Variants in FYB1 observed in about 807,000 individuals in gnomAD.
The protein encoded by FYB1 is FYN binding protein 1.
Under a neutral mutation model 94.1 loss-of-function variants are expected in FYB1, and 41 were observed. The observed-to-expected ratio is 0.44, with a 90% CI of 0.34 to 0.57. The LOEUF (loss-of-function observed/expected upper bound fraction) is 0.57. Ranked by LOEUF, FYB1 falls within the 20% of genes least tolerant of loss-of-function variation. The pLI, the probability that FYB1 is intolerant of heterozygous loss-of-function variation, is 0.02. For missense variants in FYB1, 1,050 were observed against 976.8 expected (o/e 1.07, Z -1.00); for synonymous variants, 367 against 353.2 (o/e 1.04, Z -0.44).
At chr5:39,265,720 C>A (rs533094317) in intron 1 of FYB1, among the ~76,000 whole-genome samples, 1 of 152,134 alleles carries the variant, frequency 6.6e-6, no homozygotes, top group Non-Finnish European at 1.5e-5. Context: ...TTGACCCTCC[C>A]AGTGATTCTC....
At chr5:39,206,671 A>G (rs563651243) in intron 1 of FYB1, among the ~76,000 whole-genome samples, 1 of 152,270 alleles carries the variant, frequency 6.6e-6, no homozygotes, top group East Asian at 1.9e-4. Context: ...ATGATTAGCA[A>G]TGTTCCGTTT....
At chr5:39,261,337 G>GACACACACACACACACAC (rs57277521) in intron 1 of FYB1, among the ~76,000 whole-genome samples, 10 of 133,806 alleles carry the variant, frequency 7.5e-5, no homozygotes, top group East Asian at 6.5e-4. Flanking sequence ...TGTAGATTAA[G>GACACACACACACACACAC]ACACACACAC....
At chr5:39,160,393 T>A (rs574396393) in intron 2 of FYB1, among the ~76,000 whole-genome samples, 1 of 152,328 alleles carries the variant, frequency 6.6e-6, no homozygotes, top group Non-Finnish European at 1.5e-5. Context: ...ATTAGTCATG[T>A]CTAATCCTAG....
chr5:39,138,784 T>C (rs1226114139), intron 5 of FYB1, 93 bp from the exon 6 acceptor site: 1 of 774,950 alleles, frequency 1.3e-6, no homozygotes, highest in Non-Finnish European at 2.2e-6. Flanking sequence ...AAGGCAACAA[T>C]GTAAATTTTT....
intron 2 of FYB1, chr5:39,170,372 T>C: frequency 1.2e-6 from 1 of 856,056 alleles, no homozygotes; most frequent in Non-Finnish European, 1.7e-6. Flanking sequence ...ACCTGAGGAC[T>C]CTGGGCCAGC....
intron 1 of FYB1, among the ~76,000 whole-genome samples, chr5:39,207,121 C>G (rs1426136407): frequency 6.6e-6 from 1 of 152,128 alleles, no homozygotes; most frequent in East Asian, 1.9e-4. Context: ...ATTTCACAAT[C>G]TGGAAGACAT....
rs561673128 is a variant in FYB1, at chr5:39,212,198, C to T, written c.-28+7245G>A. On this transcript the variant is annotated intron_variant, in intron 1 of 18. Transcript: ENST00000512982. Reference sequence around the variant, plus strand: ...TGGTGAGTGCCTGTAGTCCTAGCTACTCTGGAGGCTGGGGTGGGATGATTG... The same window carrying T: ...TGGTGAGTGCCTGTAGTCCTAGCTATTCTGGAGGCTGGGGTGGGATGATTG... 4.6e-5 allele frequency among the ~76,000 whole-genome samples: 7 copies of T among 152,182 alleles called. No individual in the cohort carries two copies. In the South Asian group the frequency reaches 1.0e-3, roughly 23 times the overall value.
intron 1 of FYB1, among the ~76,000 whole-genome samples, chr5:39,256,635 T>G (rs1022966920): frequency 6.6e-6 from 1 of 152,180 alleles, no homozygotes; most frequent in Admixed American, 6.5e-5. Flanking sequence ...CCTCACAGTC[T>G]TTTTTGTTGG....
At chr5:39,111,683 C>T (rs769271899) in intron 16 of FYB1, among the ~76,000 whole-genome samples, 25 of 151,650 alleles carry the variant, frequency 1.6e-4, no homozygotes, top group Admixed American at 3.3e-4. Flanking sequence ...CTTGAATTCT[C>T]GTAGTAGGAA....
At chr5:39,270,810 A>G (rs1200377548) in intron 1 of FYB1, 1 of 440,002 alleles carries the variant, frequency 2.3e-6, no homozygotes, top group Non-Finnish European at 4.0e-6. Flanking sequence ...AGGAACAGGT[A>G]TAGATGTAGC....
intron 1 of FYB1, among the ~76,000 whole-genome samples, chr5:39,209,696 A>G (rs900823646): frequency 3.3e-5 from 5 of 152,188 alleles, no homozygotes; most frequent in Non-Finnish European, 7.4e-5. Context: ...ATGTAAAAGC[A>G]GGAACCTGGT....
At chr5:39,194,587 G>A (rs1156503402) in intron 2 of FYB1, among the ~76,000 whole-genome samples, 2 of 151,628 alleles carry the variant, frequency 1.3e-5, no homozygotes, top group African/African-American at 2.4e-5. Context: ...AGGAAGGGAG[G>A]ATATCTTGCA....
At chr5:39,134,077 T>C (rs955731515) in intron 9 of FYB1, 131 bp downstream of exon 9, 1 of 600,452 alleles carries the variant, frequency 1.7e-6, no homozygotes, top group African/African-American at 1.8e-5. Context: ...TTGGGGTTAT[T>C]GTAAGTGGTC....
intron 1 of FYB1, among the ~76,000 whole-genome samples, chr5:39,247,117 A>G (rs1210953752): frequency 2.0e-5 from 1 of 50,046 alleles, no homozygotes; most frequent in African/African-American, 6.9e-5. Flanking sequence ...TATATATATG[A>G]CTATATACCA....
chr5:39,170,739 T>C (rs1392982406), intron 2 of FYB1, among the ~76,000 whole-genome samples: 2 of 152,184 alleles, frequency 1.3e-5, no homozygotes, highest in Non-Finnish European at 2.9e-5. Context: ...AATTTCAATG[T>C]CTTCCTATCA....
At chr5:39,148,455 T>G (rs1742968756) in intron 3 of FYB1, among the ~76,000 whole-genome samples, 1 of 135,280 alleles carries the variant, frequency 7.4e-6, no homozygotes, top group Non-Finnish European at 1.6e-5. Flanking sequence ...CACATTAAAC[T>G]TTGTTCTATA....
At chr5:39,161,900 T>G (rs62358710) in intron 2 of FYB1, among the ~76,000 whole-genome samples, 23,729 of 152,278 alleles carry the variant, frequency 0.16, 2,302 homozygotes, top group Non-Finnish European at 0.22. Flanking sequence ...ATTTTTGGTT[T>G]CTTACAGATT....
At chr5:39,201,725 A>G (rs1452524729) in intron 2 of FYB1, 101 bp downstream of exon 2, 11 of 1,038,374 alleles carry the variant, frequency 1.1e-5, no homozygotes, top group Non-Finnish European at 1.5e-5. Flanking sequence ...TGAGTACCAG[A>G]TATAGAGAAT....
intron 3 of FYB1, among the ~76,000 whole-genome samples, chr5:39,151,082 A>G (rs1289701292): frequency 6.6e-6 from 1 of 152,074 alleles, no homozygotes; most frequent in Non-Finnish European, 1.5e-5. Context: ...CTTCATGTCT[A>G]ACTCCCTTAC....
Sources: allele counts gnomAD v4.1 joint callset (sites outside exome capture counted in the v4.1 genomes callset), GRCh38; gene constraint gnomAD v4.1.1; transcripts MANE v1.5; gene names NCBI Gene and HGNC (gene_info 2026-07-23, HGNC 2026-07-21).